The following TTC23L variants were observed in gnomAD, a reference collection of about 807,000 sequenced individuals.
The protein encoded by TTC23L is tetratricopeptide repeat protein 23-like.
In TTC23L, 42 loss-of-function variants were observed where a neutral mutation model predicts 48.1. The ratio of observed to expected loss-of-function variants is 0.87; its 90% CI spans 0.68 to 1.13. TTC23L has a LOEUF of 1.13. Among genes scored for constraint, TTC23L ranks in the 50% most tolerant of loss-of-function variants. The pLI is 0.00. For missense variants in TTC23L, 391 were observed against 421.0 expected (o/e 0.93, Z 0.62); for synonymous variants, 159 against 157.2 (o/e 1.01, Z -0.09).
chr5:34,852,829 T>A (rs926195011), intron 4 of TTC23L, among the ~76,000 whole-genome samples: 5 of 152,106 alleles, frequency 3.3e-5, no homozygotes, highest in Non-Finnish European at 7.4e-5. Context: ...ATTCACAGTT[T>A]CATGTGGCTT....
chr5:34,914,833 G>A, the TTC23L span: 1 of 1,614,166 alleles, frequency 6.2e-7, no homozygotes, highest in South Asian at 1.1e-5. Flanking sequence ...CGTTGTCAAG[G>A]CTGGCCACAA....
the TTC23L span, chr5:34,921,630 G>A: frequency 6.6e-6 from 1 of 152,314 alleles, no homozygotes; most frequent in Admixed American, 6.5e-5. Flanking sequence ...TCCTGGCCAG[G>A]TGAGGTGGCT....
chr5:34,875,983 T>C lies in TTC23L; in HGVS notation c.950-4198T>C, dbSNP rs146960719. 3.0e-4 allele frequency among the ~76,000 whole-genome samples: 46 copies of C among 152,252 alleles called. 1 individual carries two copies. In the East Asian group the frequency reaches 7.9e-3, roughly 26 times the overall value. On this transcript the variant is annotated intron_variant, in intron 8 of 10. Transcript: ENST00000505624. ...AAACTAGAAATCAATAACAGAAAGA[T>C]ACCTAGAAAATCCCAAAATACTTGG...
chr5:34,845,504 T>G, exon 3 of TTC23L: 1 of 1,613,288 alleles, frequency 6.2e-7, no homozygotes, highest in Non-Finnish European at 8.5e-7. Flanking sequence ...CAAACCGAGA[T>G]CCCAGCTCAC....
At chr5:34,901,519 T>C (rs1445027747), downstream of TTC23L, among the ~76,000 whole-genome samples, 1 of 152,116 alleles carries the variant, frequency 6.6e-6, no homozygotes, top group Non-Finnish European at 1.5e-5. Flanking sequence ...TCCCAGCACT[T>C]TGGGAGGCCG....
chr5:34,880,034 A>G (rs1444763106), intron 8 of TTC23L, 147 bp from the exon 9 acceptor site: 11 of 893,148 alleles, frequency 1.2e-5, no homozygotes, highest in African/African-American at 1.7e-5. Flanking sequence ...AAAACCACAC[A>G]TCTTAGACTT....
intron 2 of TTC23L, among the ~76,000 whole-genome samples, chr5:34,843,666 CTT>C (rs201554364): frequency 6.7e-6 from 1 of 149,278 alleles, no homozygotes; most frequent in Admixed American, 6.7e-5. Context: ...GATATGATCT[CTT>C]TTTTTTTTAA....
rs980711045 is a variant in TTC23L, at chr5:34,898,403, A to G, written c.*98-987A>G. Among the ~76,000 whole-genome samples, 11 of 152,314 alleles carry G rather than the reference A, an allele frequency of 7.2e-5. No homozygotes were observed. In the East Asian group the frequency reaches 2.1e-3, roughly 29 times the overall value. On this transcript the variant is annotated intron_variant, in intron 10 of 10. Transcript: ENST00000505624. ...ACACAGTCACCTAAACTCAAAGATA[A>G]TATATACACTATGGAAATCAGTTGT...
chr5:34,893,156 T>C (rs981249944), intron 9 of TTC23L, among the ~76,000 whole-genome samples: 2 of 152,160 alleles, frequency 1.3e-5, no homozygotes, highest in Non-Finnish European at 2.9e-5. Context: ...GGAGTCTGTA[T>C]TGACAGACCG....
chr5:34,859,405 C>T (rs1347388416), intron 4 of TTC23L, among the ~76,000 whole-genome samples: 1 of 152,170 alleles, frequency 6.6e-6, no homozygotes, highest in East Asian at 1.9e-4. Context: ...CTCCCTGTTA[C>T]ATAACAGATC....
intron 2 of TTC23L, among the ~76,000 whole-genome samples, chr5:34,841,685 T>C (rs773257080): frequency 2.1e-4 from 32 of 152,156 alleles, no homozygotes; most frequent in Non-Finnish European, 3.7e-4. Flanking sequence ...ACCTGCCTAA[T>C]TTTTACATTT....
At chr5:34,840,972 G>A (rs1758616671) in intron 2 of TTC23L, among the ~76,000 whole-genome samples, 1 of 152,034 alleles carries the variant, frequency 6.6e-6, no homozygotes, top group Non-Finnish European at 1.5e-5. Flanking sequence ...AGCTGAACCC[G>A]GAGGCAGAGG....
chr5:34,925,108 C>T, the TTC23L span: 1 of 1,441,214 alleles, frequency 6.9e-7, no homozygotes, highest in South Asian at 1.5e-5. Context: ...TTGGAAATTA[C>T]TCCCTTTTTT....
chr5:34,915,677 T>G, the TTC23L span: 2 of 1,499,280 alleles, frequency 1.3e-6, no homozygotes, highest in Non-Finnish European at 8.9e-7. Context: ...ACCATAGAGA[T>G]CGGAAATAGG....
the TTC23L span, chr5:34,909,246 T>A: frequency 6.4e-7 from 1 of 1,564,756 alleles, no homozygotes; most frequent in South Asian, 1.1e-5. Context: ...AACCTCTATA[T>A]TAAGAACTGA....
intron 1 of TTC23L, among the ~76,000 whole-genome samples, chr5:34,840,020 T>A (rs1758478748): frequency 6.6e-6 from 1 of 152,086 alleles, no homozygotes; most frequent in South Asian, 2.1e-4. Flanking sequence ...GCCTCCCGAG[T>A]AGCTGGAACT....
At chr5:34,853,496 C>T (rs1046759128) in intron 4 of TTC23L, among the ~76,000 whole-genome samples, 3 of 152,118 alleles carry the variant, frequency 2.0e-5, no homozygotes, top group African/African-American at 7.2e-5. Context: ...CACCACTGCA[C>T]TCCAGCCTGG....
the TTC23L span, among the ~76,000 whole-genome samples, chr5:34,924,595 A>G: frequency 2.6e-5 from 4 of 152,340 alleles, no homozygotes; most frequent in African/African-American, 9.6e-5. Context: ...TGTGACAAGC[A>G]AGATGTGAAC....
intron 9 of TTC23L, among the ~76,000 whole-genome samples, chr5:34,890,557 A>T (rs962676982): frequency 2.0e-5 from 3 of 152,074 alleles, no homozygotes; most frequent in Non-Finnish European, 4.4e-5. Flanking sequence ...CTAATGTAAT[A>T]CAGATTCTGA....
Sources: allele counts gnomAD v4.1 joint callset (sites outside exome capture counted in the v4.1 genomes callset), GRCh38; gene constraint gnomAD v4.1.1; transcripts MANE v1.5; gene names NCBI Gene and HGNC (gene_info 2026-07-23, HGNC 2026-07-21).